RSPO2: variants seen among roughly 807,000 people sequenced by gnomAD.
RSPO2 encodes the protein R-spondin 2, also known as R-spondin-2.
In RSPO2, 14 loss-of-function variants were observed where a neutral mutation model predicts 30.9. The observed-to-expected ratio is 0.45, with a 90% CI of 0.30 to 0.71. The LOEUF is 0.71. RSPO2 is among the 30% of genes least tolerant of loss of function. The probability of loss-of-function intolerance (pLI) is 0.08; values close to 1 mark genes in which losing one functional copy is unlikely to be tolerated. For synonymous variants in RSPO2, 107 were observed against 96.4 expected (o/e 1.11, Z -0.64); for missense variants, 264 against 301.9 (o/e 0.87, Z 0.93).
chr8:107,975,656 T>C (rs1034626924), intron 3 of RSPO2, among the ~76,000 whole-genome samples: 2 of 152,218 alleles, frequency 1.3e-5, no homozygotes, highest in Non-Finnish European at 2.9e-5. Flanking sequence ...AATCATTCAA[T>C]TAATATGTAC....
At chr8:107,936,737 G>A (rs1812734673) in intron 5 of RSPO2, among the ~76,000 whole-genome samples, 1 of 152,030 alleles carries the variant, frequency 6.6e-6, no homozygotes, top group East Asian at 1.9e-4. Flanking sequence ...GTACAGGTCT[G>A]ATTTGTATTT....
intron 5 of RSPO2, among the ~76,000 whole-genome samples, chr8:107,936,780 T>C (rs1812735852): frequency 6.6e-6 from 1 of 152,192 alleles, no homozygotes; most frequent in African/African-American, 2.4e-5. Context: ...TATTTTTTCA[T>C]ATACCTGTTG....
At chr8:108,007,246 A>G (rs949403041) in intron 2 of RSPO2, among the ~76,000 whole-genome samples, 4 of 152,138 alleles carry the variant, frequency 2.6e-5, no homozygotes, top group Non-Finnish European at 4.4e-5. Flanking sequence ...GTTGTCTTGT[A>G]AAATATTCTA....
At chr8:107,926,409 G>A (rs1340554078) in intron 5 of RSPO2, among the ~76,000 whole-genome samples, 1 of 152,022 alleles carries the variant, frequency 6.6e-6, no homozygotes, top group Non-Finnish European at 1.5e-5. Flanking sequence ...AGTTTAATTA[G>A]ATCCCATTTG....
At chr8:107,999,145 A>G (rs1187152580) in intron 2 of RSPO2, among the ~76,000 whole-genome samples, 1 of 152,176 alleles carries the variant, frequency 6.6e-6, no homozygotes, top group Non-Finnish European at 1.5e-5. Context: ...CAAAGCTTTA[A>G]CCTCCCGAGA....
chr8:108,033,064 A>G (rs1204409594), intron 2 of RSPO2, among the ~76,000 whole-genome samples: 2 of 151,102 alleles, frequency 1.3e-5, no homozygotes, highest in African/African-American at 4.9e-5. Context: ...AAAAAAAAAA[A>G]AAAAAAAAAA....
At chr8:108,041,203 C>CAAAAAAAAAAAAA (rs55937336) in intron 2 of RSPO2, among the ~76,000 whole-genome samples, 2 of 100,386 alleles carry the variant, frequency 2.0e-5, no homozygotes, top group African/African-American at 3.8e-5. Flanking sequence ...CAAAAAGTGG[C>CAAAAAAAAAAAAA]AAAAAAAAAA....
chr8:107,910,143 A>G (rs757086684), intron 5 of RSPO2, among the ~76,000 whole-genome samples: 4 of 152,220 alleles, frequency 2.6e-5, no homozygotes, highest in Non-Finnish European at 5.9e-5. Context: ...ACTTCATACT[A>G]TAACGGAAGG....
intron 2 of RSPO2, among the ~76,000 whole-genome samples, chr8:108,063,667 T>C (rs974510232): frequency 2.0e-5 from 3 of 151,826 alleles, no homozygotes; most frequent in South Asian, 4.1e-4. Flanking sequence ...CTTCACAGAA[T>C]TGGAAAAACT....
intron 5 of RSPO2, among the ~76,000 whole-genome samples, chr8:107,941,092 C>CA (rs1211388566): frequency 2.6e-5 from 4 of 151,840 alleles, no homozygotes; most frequent in Non-Finnish European, 4.4e-5. Context: ...TCTTACCCCC[C>CA]AAAAAAATGT....
intron 3 of RSPO2, among the ~76,000 whole-genome samples, chr8:107,971,728 A>C (rs895314114): frequency 6.6e-6 from 1 of 152,188 alleles, no homozygotes; most frequent in Non-Finnish European, 1.5e-5. Context: ...TCAAAAACAC[A>C]CATTTTTCAC....
intron 2 of RSPO2, among the ~76,000 whole-genome samples, chr8:108,060,980 A>G (rs990007452): frequency 4.6e-5 from 7 of 151,802 alleles, no homozygotes; most frequent in African/African-American, 1.7e-4. Flanking sequence ...AGACAAGCAA[A>G]TGCTGAGAGA....
intron 4 of RSPO2, among the ~76,000 whole-genome samples, chr8:107,960,111 T>C (rs1813575649): frequency 6.6e-6 from 1 of 152,180 alleles, no homozygotes; most frequent in Non-Finnish European, 1.5e-5. Flanking sequence ...TCAGAAGATA[T>C]AAAATTTATA....
chr8:108,056,623 C>CAAAAAAAAAAAAAAAAAAAAAAA (rs56256415), intron 2 of RSPO2, among the ~76,000 whole-genome samples: 7 of 71,798 alleles, frequency 9.7e-5, no homozygotes, highest in Non-Finnish European at 1.3e-4. Flanking sequence ...AGACCCGTCT[C>CAAAAAAAAAAAAAAAAAAAAAAA]AAAAAAAAAA....
At chr8:108,042,441 G>A (rs890659840) in intron 2 of RSPO2, among the ~76,000 whole-genome samples, 5 of 151,976 alleles carry the variant, frequency 3.3e-5, no homozygotes, top group Non-Finnish European at 7.4e-5. Flanking sequence ...GATATGAGAC[G>A]AGCAGTCTTC....
At chr8:108,069,072 T>C (rs1198468913) in intron 2 of RSPO2, among the ~76,000 whole-genome samples, 1 of 152,198 alleles carries the variant, frequency 6.6e-6, no homozygotes, top group Admixed American at 6.5e-5. Flanking sequence ...TCTAGGTAAA[T>C]ATTTCTCTTA....
chr8:107,982,009 C>CAAAAAAAAAAA (rs372977834), intron 3 of RSPO2, among the ~76,000 whole-genome samples: 54 of 55,370 alleles, frequency 9.8e-4, no homozygotes, highest in African/African-American at 1.8e-3. Flanking sequence ...ACAACAACAA[C>CAAAAAAAAAAA]AAAAAAAAAA....
Position 108,053,641 on chromosome 8 carries a change from A to C in RSPO2, c.94+28904T>G, listed in dbSNP as rs542542098. Among the ~76,000 whole-genome samples, 6 of 152,360 alleles carry C rather than the reference A, an allele frequency of 3.9e-5. No individual in the cohort carries two copies. The South Asian group carries it at 1.0e-3, about 26-fold the overall frequency. ...AGTAAGAAATAAAGGGAAGAAATTT[A>C]ATATTTTCTAGTTATAGGCATGTAA... On this transcript the variant is annotated intron_variant, in intron 2 of 5. Transcript: ENST00000276659.
chr8:107,970,770 T>A lies in RSPO2; in HGVS notation c.284-9953A>T, dbSNP rs77263003. Among the ~76,000 whole-genome samples, 906 of 152,322 alleles carry A rather than the reference T, an allele frequency of 5.9e-3. 10 individuals carry two copies. Among genetic ancestry groups the A allele is most frequent in the African/African-American group, 0.021 (870 of 41,580 alleles). On this transcript the variant is annotated intron_variant, in intron 3 of 5. Transcript: ENST00000276659. ...ACTGACTTTTGAACGAAGTTGCTGG[T>A]TGGAAAGGAAGGAAGAGAGAAGAAT...
Sources: gnomAD v4.1 joint callset for allele counts (sites outside exome capture counted in the v4.1 genomes callset) on GRCh38, gnomAD v4.1.1 for gene constraint, MANE v1.5 for transcripts, NCBI Gene and HGNC (gene_info 2026-07-23, HGNC 2026-07-21) for gene names.